PZP: variants seen among roughly 807,000 people sequenced by gnomAD.
PZP encodes pregnancy zone protein.
In PZP, 150 loss-of-function variants were observed where a neutral mutation model predicts 179.8. The observed-to-expected ratio is 0.83, with a 90% CI of 0.73 to 0.96. The LOEUF (loss-of-function observed/expected upper bound fraction) is 0.96, where lower values mean the gene tolerates loss of function less well. PZP is among the 40% of genes least tolerant of loss of function. The pLI is 0.00. For missense variants in PZP, 1,689 were observed against 1,764.0 expected (o/e 0.96, Z 0.76); for synonymous variants, 624 against 652.3 (o/e 0.96, Z 0.66).
intron 13 of PZP, among the ~76,000 whole-genome samples, chr12:9,185,794 C>CTTTTCTTTTCTTTTCTTTTCTTTTT (rs1480631110): frequency 1.4e-5 from 2 of 145,658 alleles, no homozygotes; most frequent in African/African-American, 5.1e-5. Context: ...TTCAACATTT[C>CTTTTCTTTTCTTTTCTTTTCTTTTT]TTTTCTTTTC....
In PZP at chr12:9,158,504, G is replaced by C; in HGVS notation, c.3210C>G (p.Thr1070=). 1 of 1,614,142 alleles carries C rather than the reference G, an allele frequency of 6.2e-7. No homozygotes were observed. The highest frequency in any genetic ancestry group is 8.5e-7 in the Non-Finnish European group (1 of 1,180,020). ...SYIFIDEAHI[T]QSLTWLSQMQ... is the part of the protein sequence containing the mutation. ...TCTGGGAGAGCCACGTGAGAGATTG[G>C]GTAATGTGTGCTTCATCAATGAAGA... Residue 1070 remains threonine (T), a synonymous_variant, in exon 26 of 36, where the codon ACC becomes ACG. Transcript: ENST00000261336.
In PZP at chr12:9,192,643, T is replaced by C. The variant is rs767480703; in HGVS notation, c.1351A>G (p.Ser451Gly). The C allele has an allele frequency of 6.2e-7, 1 of 1,614,100 alleles. No homozygotes were observed. The highest frequency in any genetic ancestry group is 8.5e-7 in the Non-Finnish European group (1 of 1,179,934). Reference protein sequence around the residue: ...QHTANRVFSLSGSYIHLEPVA... With the variant: ...QHTANRVFSLGGSYIHLEPVA... ...GGCTCCAGGTGAATGTAACTTCCAC[T>C]TAAGGAGAAAACACGATTTGCAGTG... Residue 451 changes from serine to glycine, a missense_variant, in exon 12 of 36, where the codon AGT becomes GGT. Around this residue, in one of 3 missense-constraint regions of PZP, gnomAD observed 742 missense variants for 730.5 expected, o/e 1.02. Transcript: ENST00000261336.
At chr12:9,154,412 C>T (rs749013808) in intron 29 of PZP, among the ~76,000 whole-genome samples, 23 of 152,302 alleles carry the variant, frequency 1.5e-4, no homozygotes, top group Non-Finnish European at 2.9e-4. Flanking sequence ...CTCCATGTTG[C>T]TAATATATTA....
chr12:9,177,697 C>T (rs1942485968), intron 15 of PZP, among the ~76,000 whole-genome samples: 1 of 152,202 alleles, frequency 6.6e-6, no homozygotes, highest in African/African-American at 2.4e-5. Flanking sequence ...AGCGACCACG[C>T]TTAAACGTTT....
At chr12:9,139,370 G>C in the PZP span, among the ~76,000 whole-genome samples, 9 of 152,148 alleles carry the variant, frequency 5.9e-5, no homozygotes, top group Non-Finnish European at 1.2e-4. Flanking sequence ...GGAAGGATCT[G>C]AGTGCACATG....
chr12:9,148,548 C>G (rs751061450), downstream of PZP, among the ~76,000 whole-genome samples: 29 of 152,108 alleles, frequency 1.9e-4, no homozygotes, highest in African/African-American at 6.7e-4. Context: ...TATAACAGCA[C>G]TTCTCCTCAT....
the PZP span, among the ~76,000 whole-genome samples, chr12:9,143,734 C>T: frequency 5.3e-5 from 8 of 152,234 alleles, no homozygotes; most frequent in East Asian, 1.4e-3. Flanking sequence ...CACTGGGGCC[C>T]GGCCACGTTG....
chr12:9,200,246 G>A (rs1944076248), intron 7 of PZP, 118 bp downstream of exon 7: 5 of 578,232 alleles, frequency 8.6e-6, no homozygotes, highest in Admixed American at 3.5e-5. Flanking sequence ...ATAAAGAGAA[G>A]TCAAAGGAGT....
intron 11 of PZP, 141 bp from the exon 12 acceptor site, chr12:9,192,880 A>G (rs1036200069): frequency 7.1e-6 from 4 of 560,842 alleles, no homozygotes; most frequent in African/African-American, 5.6e-5. Context: ...CAGCCAAATA[A>G]ATGAATTTTC....
At chr12:9,166,921 A>C (rs1487547577) in intron 17 of PZP, 1 of 152,226 alleles carries the variant, frequency 6.6e-6, no homozygotes, top group African/African-American at 2.4e-5. Flanking sequence ...ATTTGATTTA[A>C]GATCTCCCTC....
chr12:9,192,066 T>G, intron 13 of PZP, 127 bp downstream of exon 13: 1 of 755,428 alleles, frequency 1.3e-6, no homozygotes, highest in East Asian at 2.6e-5. Flanking sequence ...ATAAGACGAG[T>G]ATTTTCCTGC....
chr12:9,198,761 A>G (rs1053085535), intron 7 of PZP, among the ~76,000 whole-genome samples: 5 of 152,214 alleles, frequency 3.3e-5, no homozygotes, highest in African/African-American at 1.2e-4. Flanking sequence ...TCAAATAAAA[A>G]GATAGAATCA....
chr12:9,152,172 A>G, intron 32 of PZP, 48 bp downstream of exon 32: 2 of 1,313,740 alleles, frequency 1.5e-6, no homozygotes, highest in South Asian at 1.2e-5. Context: ...GTTTGGGGAT[A>G]CAGAACATAC....
chr12:9,192,218 G>A lies in PZP; in HGVS notation c.1521C>T (p.His507=), dbSNP rs1264076264. Residue 507 remains histidine, a synonymous_variant, in exon 13 of 36, where the codon CAC becomes CAT. Coordinates refer to ENST00000261336, the MANE Select transcript of PZP (RefSeq NM_002864.3). ...TGTCTCCTGACTCCACAGGCAGAGT[G>A]TGGGTTCCAGATCTGACGATGACTC... The part of the protein sequence containing the change: ...AKGVIVRSGT[H]TLPVESGDMK... 6.2e-7 allele frequency: 1 copy of A among 1,614,042 alleles called. No individual in the cohort carries two copies. Among genetic ancestry groups the A allele is most frequent in the Non-Finnish European group, 8.5e-7 (1 of 1,179,892 alleles).
intron 13 of PZP, among the ~76,000 whole-genome samples, chr12:9,183,261 A>G (rs1942889536): frequency 6.6e-6 from 1 of 152,190 alleles, no homozygotes; most frequent in Non-Finnish European, 1.5e-5. Flanking sequence ...TTTTTGTCAA[A>G]TGAGTGCATT....
chr12:9,200,930 C>A lies in PZP; in HGVS notation c.632G>T (p.Gly211Val). The A allele has an allele frequency of 6.2e-7, 1 of 1,614,006 alleles. No individual in the cohort carries two copies. The highest frequency in any genetic ancestry group is 8.5e-7 in the Non-Finnish European group (1 of 1,179,932). ...GGTGAAGGGGTGCTGTATCCTTCCA[C>A]CTGATTCTGTCTGTACCACCACCCT... ...SYRVVVQTES[G>V]GRIQHPFTVE... The change falls in exon 6 of 36, where the codon GGT (glycine) becomes GTT (valine). Residue 211 changes from glycine to valine, a missense_variant. Gly to Val is a moderately radical substitution (Grantham distance 109). Around this residue, in one of 3 missense-constraint regions of PZP, gnomAD observed 742 missense variants for 730.5 expected, o/e 1.02. Transcript: ENST00000261336.
At position 9,196,616 on chromosome 12, in the gene PZP, C is replaced by G. The variant is rs1437369123; in HGVS notation, c.937G>C (p.Glu313Gln). 1.9e-6 allele frequency: 3 copies of G among 1,613,688 alleles called. No homozygotes were observed. Among genetic ancestry groups the G allele is most frequent in the Non-Finnish European group, 2.5e-6 (3 of 1,179,742 alleles). Residue 313 changes from glutamate to glutamine, a missense_variant, in exon 9 of 36, where the codon GAA (glutamate) becomes CAA (glutamine). Coordinates refer to ENST00000261336, the MANE Select transcript of PZP (RefSeq NM_002864.3). ...KMLQITNTGF[E>Q]MKLRVEARIR... The stretch of plus-strand genomic sequence containing the variant: ...CTGGCTTCCACTCTAAGCTTCATTT[C>G]AAAGCCCGTATTTGTAATCTGGAGC...
At chr12:9,203,143 C>T (rs753479116) in intron 2 of PZP, among the ~76,000 whole-genome samples, 3 of 152,064 alleles carry the variant, frequency 2.0e-5, no homozygotes, top group Non-Finnish European at 4.4e-5. Context: ...ATGTCCAGCC[C>T]GATCCTTAAA....
At chr12:9,192,339 T>G in intron 12 of PZP, 83 bp from the exon 13 acceptor site, 3 of 1,403,810 alleles carry the variant, frequency 2.1e-6, no homozygotes, top group Middle Eastern at 3.5e-4. Context: ...CCACTTTCAG[T>G]TGTCAAGTCT....
Sources: gnomAD v4.1 joint callset for allele counts (sites outside exome capture counted in the v4.1 genomes callset) on GRCh38, gnomAD v4.1.1 for gene constraint, gnomAD v4.1.1 regional missense constraint, MANE v1.5 for transcripts, NCBI Gene and HGNC (gene_info 2026-07-23, HGNC 2026-07-21) for gene names.